Variants in CACNA1I observed in about 807,000 individuals in gnomAD.
The protein encoded by CACNA1I is calcium voltage-gated channel subunit alpha1 I, also known as voltage-dependent T-type calcium channel subunit alpha-1I.
Under a neutral mutation model 201.6 loss-of-function variants are expected in CACNA1I, and 74 were observed. The observed-to-expected ratio is 0.37, with a 90% CI of 0.30 to 0.45. CACNA1I has a LOEUF of 0.45. Among genes scored for constraint, CACNA1I ranks in the 20% least tolerant of loss-of-function variants. The pLI is 1.00. For missense variants in CACNA1I, 2,346 were observed against 3,138.1 expected (o/e 0.75, Z 6.03); for synonymous variants, 1,431 against 1,345.2 (o/e 1.06, Z -1.40).
At position 39,648,005 on chromosome 22, in the gene CACNA1I, G is replaced by C; in HGVS notation, c.1567+79G>C. 1 of 1,272,264 alleles carries C rather than the reference G, an allele frequency of 7.9e-7. No individual in the cohort carries two copies. The highest frequency in any genetic ancestry group is 2.4e-5 in the East Asian group (1 of 42,244). 78.8% of individuals were successfully genotyped at this position (1,272,264 alleles called of 1,614,324 possible). On this transcript the variant is annotated intron_variant, in intron 9 of 36. Coordinates refer to ENST00000402142, the MANE Select transcript of CACNA1I (RefSeq NM_021096.4). The surrounding 1 kb of genome is among the most constrained non-coding windows in gnomAD (Gnocchi z 5.4). ...CCCAGTTGGTGCTGAGAAGGAAGTC[G>C]GCAGGCATGGGGACGGCGCTTGAGC...
chr22:39,600,168 G>A (rs1333580523), intron 2 of CACNA1I, among the ~76,000 whole-genome samples: 1 of 152,198 alleles, frequency 6.6e-6, no homozygotes, highest in Non-Finnish European at 1.5e-5. Context: ...GAGAATGGGG[G>A]TCAAGTGTGT....
intron 6 of CACNA1I, among the ~76,000 whole-genome samples, chr22:39,642,501 G>A (rs913102561): frequency 9.9e-5 from 15 of 152,194 alleles, no homozygotes; most frequent in Admixed American, 8.5e-4. Context: ...GCAGGGGCAG[G>A]CTCCCTGCTT....
At position 39,629,402 on chromosome 22, in the gene CACNA1I, C is replaced by T. The variant is rs1347071982; in HGVS notation, c.581-5163C>T. Reference sequence around the variant, plus strand: ...GTCCCCAACTGCCCTCTTCCTCCTACATCCATATCCCATCCCTCTGCTTGG... The same window carrying T: ...GTCCCCAACTGCCCTCTTCCTCCTATATCCATATCCCATCCCTCTGCTTGG... On this transcript the variant is annotated intron_variant, in intron 4 of 36. Coordinates refer to ENST00000402142, the MANE Select transcript of CACNA1I (RefSeq NM_021096.4). This position sits in a 1 kb window ranked among gnomAD's most constrained non-coding sequence, Gnocchi z 4.8. Among the ~76,000 whole-genome samples, 18 of 152,038 alleles carry T rather than the reference C, an allele frequency of 1.2e-4. No individual in the cohort carries two copies. The highest frequency in any genetic ancestry group is 2.6e-4 in the Non-Finnish European group (18 of 68,008).
chr22:39,632,004 G>T (rs1039928318), intron 4 of CACNA1I, among the ~76,000 whole-genome samples: 3 of 152,096 alleles, frequency 2.0e-5, no homozygotes, highest in Non-Finnish European at 2.9e-5. Flanking sequence ...GCCCAGCTGG[G>T]CAGAGTGAGG....
rs1419677362 is a variant in CACNA1I, at chr22:39,685,296, T to TTGGGAGGTGGGGGCTGGGTGGC, written c.6028-452_6028-451insCTGGGTGGCTGGGAGGTGGGGG. On this transcript the variant is annotated intron_variant, in intron 36 of 36. Coordinates refer to ENST00000402142, the MANE Select transcript of CACNA1I (RefSeq NM_021096.4). This position sits in a 1 kb window ranked among gnomAD's most constrained non-coding sequence, Gnocchi z 5.0. ...GGGCTGCAGGTGGGGGGCCCCGGGG[T>TTGGGAGGTGGGGGCTGGGTGGC]TGGGAGGTGGGGGGCTCTGGGGCTG... The TTGGGAGGTGGGGGCTGGGTGGC allele has an allele frequency of 2.7e-4, 11 of 40,280 alleles. No homozygotes were observed. The highest frequency in any genetic ancestry group is 1.0e-3 in the African/African-American group (10 of 9,932). 2.5% of individuals were successfully genotyped at this position (40,280 alleles called of 1,614,324 possible). A position where few individuals can be genotyped will look rare whatever the true frequency, so the allele number is the denominator to read the frequency against.
intron 1 of CACNA1I, among the ~76,000 whole-genome samples, chr22:39,583,792 G>C (rs975903329): frequency 6.6e-6 from 1 of 152,246 alleles, no homozygotes; most frequent in South Asian, 2.1e-4. Context: ...TTTGTATCTG[G>C]CTTATTCTCC....
Position 39,679,173 on chromosome 22 carries a change from C to G in CACNA1I, c.5122C>G (p.Leu1708Val). Reference sequence around the variant, plus strand: ...GAGCAGCCTGCAGTTTGTGTCGCCGCTGTACTTCGTGAGCTTCGTGCTCAC... The same window carrying G: ...GAGCAGCCTGCAGTTTGTGTCGCCGGTGTACTTCGTGAGCTTCGTGCTCAC... ...CLSSLQFVSP[L>V]YFVSFVLTAQ... The change falls in exon 32 of 37, where the codon CTG (leucine) becomes GTG (valine). Residue 1708 changes from leucine (L) to valine (V), a missense_variant. Transcript: ENST00000402142. The G allele has an allele frequency of 6.3e-7, 1 of 1,592,264 alleles. No individual in the cohort carries two copies. The highest frequency in any genetic ancestry group is 2.3e-5 in the East Asian group (1 of 43,688).
intron 4 of CACNA1I, among the ~76,000 whole-genome samples, chr22:39,627,012 A>G (rs1426691740): frequency 6.6e-6 from 1 of 152,222 alleles, no homozygotes; most frequent in East Asian, 1.9e-4. Context: ...AAGACCACAC[A>G]GCTGGCTGGG....
At chr22:39,585,423 T>C (rs1932716824) in intron 1 of CACNA1I, among the ~76,000 whole-genome samples, 1 of 128,812 alleles carries the variant, frequency 7.8e-6, no homozygotes, top group Non-Finnish European at 1.6e-5. Context: ...TGAGTCTCCC[T>C]CTGTCACCCA....
chr22:39,653,926 G>A (rs970092663), intron 10 of CACNA1I, among the ~76,000 whole-genome samples: 2 of 152,210 alleles, frequency 1.3e-5, no homozygotes, highest in Admixed American at 1.3e-4. Context: ...ACGAAGTGGT[G>A]AAATGGGGCT....
intron 32 of CACNA1I, 121 bp downstream of exon 32, chr22:39,679,566 C>G (rs927009702): frequency 4.7e-6 from 5 of 1,054,758 alleles, no homozygotes; most frequent in Non-Finnish European, 6.7e-6. Context: ...CCACCCTGCT[C>G]AGCTCCATAG....
At chr22:39,680,017 T>C (rs1935653733) in intron 33 of CACNA1I, 149 bp downstream of exon 33, 3 of 808,532 alleles carry the variant, frequency 3.7e-6, no homozygotes, top group Non-Finnish European at 5.7e-6. Context: ...CTGGGGCAGA[T>C]TGGCTCCCTG....
chr22:39,660,499 C>T, intron 15 of CACNA1I, 62 bp downstream of exon 15: 1 of 1,171,954 alleles, frequency 8.5e-7, no homozygotes, highest in Admixed American at 2.0e-5. Context: ...TCCAGGTGGG[C>T]AGAGGGTACA....
rs1349776678 is a variant in CACNA1I, at chr22:39,649,456, C to T, written c.1568-45C>T. ...GGGATGTGTCCCAGGGTGGATTGGGCCTGGTGTGGGCAACGACTCTATGCC... is the reference window on the plus strand; with the variant it reads ...GGGATGTGTCCCAGGGTGGATTGGGTCTGGTGTGGGCAACGACTCTATGCC... On this transcript the variant is annotated intron_variant, in intron 9 of 36. Coordinates refer to ENST00000402142, the MANE Select transcript of CACNA1I (RefSeq NM_021096.4). This position sits in a 1 kb window ranked among gnomAD's most constrained non-coding sequence, Gnocchi z 7.3. The T allele has an allele frequency of 6.6e-7, 1 of 1,506,430 alleles. No individual in the cohort carries two copies. The highest frequency in any genetic ancestry group is 2.1e-5 in the Admixed American group (1 of 46,536). 93.3% of individuals were successfully genotyped at this position (1,506,430 alleles called of 1,614,324 possible).
rs1293964261 is a variant in CACNA1I at position 39,629,401 on chromosome 22, A to G, written c.581-5164A>G. Among the ~76,000 whole-genome samples, 1 of 151,730 alleles carries G rather than the reference A, an allele frequency of 6.6e-6. No individual in the cohort carries two copies. Among genetic ancestry groups the G allele is most frequent in the Non-Finnish European group, 1.5e-5 (1 of 67,924 alleles). On this transcript the variant is annotated intron_variant, in intron 4 of 36. Coordinates refer to ENST00000402142, the MANE Select transcript of CACNA1I (RefSeq NM_021096.4). This position sits in a 1 kb window ranked among gnomAD's most constrained non-coding sequence, Gnocchi z 4.8. ...CGTCCCCAACTGCCCTCTTCCTCCT[A>G]CATCCATATCCCATCCCTCTGCTTG...
chr22:39,598,941 GT>G (rs3044380), intron 2 of CACNA1I, among the ~76,000 whole-genome samples: 6,786 of 67,754 alleles, frequency 0.1, 118 homozygotes, highest in African/African-American at 0.24. Context: ...TGCCTCTTGG[GT>G]TTTTTTTTTT....
At chr22:39,572,818 G>A (rs938517932) in intron 1 of CACNA1I, among the ~76,000 whole-genome samples, 8 of 151,740 alleles carry the variant, frequency 5.3e-5, no homozygotes, top group African/African-American at 1.7e-4. Context: ...GTGCAGTGGC[G>A]CGATCTCGGC....
chr22:39,640,349 A>G (rs371197722), intron 5 of CACNA1I, among the ~76,000 whole-genome samples: 1 of 152,302 alleles, frequency 6.6e-6, no homozygotes, highest in Admixed American at 6.5e-5. Context: ...AGATCTCACC[A>G]CTGCACTCCA....
At chr22:39,611,752 G>C (rs148753207) in intron 3 of CACNA1I, among the ~76,000 whole-genome samples, 100 of 152,284 alleles carry the variant, frequency 6.6e-4, no homozygotes, top group African/African-American at 2.3e-3. Flanking sequence ...CCAAATGGAG[G>C]CTTGGAGAGA....
Sources: gnomAD v4.1 joint callset for allele counts (sites outside exome capture counted in the v4.1 genomes callset) on GRCh38, gnomAD v4.1.1 for gene constraint, Gnocchi (gnomAD v3.1) non-coding constraint, MANE v1.5 for transcripts, NCBI Gene and HGNC (gene_info 2026-07-23, HGNC 2026-07-21) for gene names.